Variants in CALD1 observed in about 807,000 individuals in gnomAD.
The protein encoded by CALD1 is caldesmon 1.
Under a neutral mutation model 99.9 loss-of-function variants are expected in CALD1, and 33 were observed. The ratio of observed to expected loss-of-function variants is 0.33; its 90% CI spans 0.25 to 0.44. The LOEUF is 0.44. Among genes scored for constraint, CALD1 ranks in the 20% least tolerant of loss-of-function variants. The probability of loss-of-function intolerance (pLI) is 1.00; values close to 1 mark genes in which losing one functional copy is unlikely to be tolerated. For synonymous variants in CALD1, 310 were observed against 325.0 expected (o/e 0.95, Z 0.50); for missense variants, 861 against 962.1 (o/e 0.89, Z 1.39).
At chr7:134,833,851 G>A (rs568908577) in intron 1 of CALD1, among the ~76,000 whole-genome samples, 24 of 152,168 alleles carry the variant, frequency 1.6e-4, no homozygotes, top group Admixed American at 6.5e-5. Context: ...TCCCAAGCGG[G>A]GCCTAACTTT....
chr7:134,965,121 A>G, intron 13 of CALD1, 185 bp from the exon 14 acceptor site: 1 of 507,624 alleles, frequency 2.0e-6, no homozygotes, highest in South Asian at 2.2e-5. Context: ...GTCTCAAAAA[A>G]AATAAAAAAA....
At chr7:134,733,288 T>C in the CALD1 span, among the ~76,000 whole-genome samples, 2 of 152,192 alleles carry the variant, frequency 1.3e-5, no homozygotes, top group African/African-American at 4.8e-5. Context: ...TCCAGATCGG[T>C]TCCTTTCTGA....
the CALD1 span, among the ~76,000 whole-genome samples, chr7:134,729,134 G>A: frequency 5.9e-5 from 9 of 152,168 alleles, no homozygotes; most frequent in African/African-American, 2.2e-4. Context: ...TTATAGGCAT[G>A]AGCTGCCACG....
chr7:134,857,292 T>C (rs1800353976), intron 2 of CALD1, among the ~76,000 whole-genome samples: 1 of 146,890 alleles, frequency 6.8e-6, no homozygotes, highest in African/African-American at 2.5e-5. Flanking sequence ...CCTCAGCCTC[T>C]CCGAGTAGCT....
At chr7:134,957,163 C>T (rs569254126) in intron 9 of CALD1, among the ~76,000 whole-genome samples, 2 of 152,238 alleles carry the variant, frequency 1.3e-5, no homozygotes, top group South Asian at 4.1e-4. Flanking sequence ...TACCTGTATC[C>T]CGCCTTTTAC....
At chr7:134,866,624 C>CCTTCAGGCAT (rs1202829572) in intron 2 of CALD1, among the ~76,000 whole-genome samples, 1 of 152,038 alleles carries the variant, frequency 6.6e-6, no homozygotes, top group Non-Finnish European at 1.5e-5. Flanking sequence ...AACAAAGATG[C>CCTTCAGGCAT]CTTCAGGTGT....
chr7:134,852,964 A>G (rs1006012405), intron 2 of CALD1, among the ~76,000 whole-genome samples: 2 of 152,178 alleles, frequency 1.3e-5, no homozygotes, highest in African/African-American at 2.4e-5. Flanking sequence ...GGAATCATGC[A>G]CCAGCATTTG....
intron 3 of CALD1, among the ~76,000 whole-genome samples, chr7:134,874,992 A>G (rs1801280832): frequency 6.6e-6 from 1 of 152,184 alleles, no homozygotes; most frequent in Non-Finnish European, 1.5e-5. Context: ...GGACCTTGAC[A>G]TTTTTAAATA....
intron 1 of CALD1, among the ~76,000 whole-genome samples, chr7:134,784,637 T>C (rs1797237124): frequency 6.6e-6 from 1 of 152,172 alleles, no homozygotes. Flanking sequence ...AATAGACCTC[T>C]ATGTGAGCAA....
chr7:134,825,406 CA>C (rs1049161583), intron 1 of CALD1, among the ~76,000 whole-genome samples: 6 of 152,034 alleles, frequency 3.9e-5, no homozygotes, highest in Admixed American at 2.6e-4. Context: ...TTCCTCTTTC[CA>C]AGCATTTATT....
chr7:134,747,841 A>T (rs1428927744), intron 1 of CALD1, among the ~76,000 whole-genome samples: 2 of 152,246 alleles, frequency 1.3e-5, no homozygotes, highest in Non-Finnish European at 2.9e-5. Flanking sequence ...GTCCCCACTA[A>T]GGCAATACCC....
At chr7:134,805,318 A>C (rs1291061845) in intron 1 of CALD1, among the ~76,000 whole-genome samples, 1 of 152,034 alleles carries the variant, frequency 6.6e-6, no homozygotes, top group Non-Finnish European at 1.5e-5. Context: ...ACTATATTCT[A>C]CTTTTCTGTA....
At chr7:134,907,603 A>T (rs1178259316) in intron 3 of CALD1, among the ~76,000 whole-genome samples, 2 of 152,160 alleles carry the variant, frequency 1.3e-5, no homozygotes, top group African/African-American at 4.8e-5. Flanking sequence ...TAAGTTTCAA[A>T]CATATTCTTC....
chr7:134,912,521 T>G (rs1213167081), intron 3 of CALD1, among the ~76,000 whole-genome samples: 2 of 152,202 alleles, frequency 1.3e-5, no homozygotes, highest in Non-Finnish European at 2.9e-5. Context: ...ACACTTTACC[T>G]GTTCCTTTCA....
intron 1 of CALD1, among the ~76,000 whole-genome samples, chr7:134,789,745 G>A (rs935383788): frequency 1.3e-5 from 2 of 152,078 alleles, no homozygotes; most frequent in Non-Finnish European, 2.9e-5. Flanking sequence ...GGGTCTCCAG[G>A]AGGTAAGACT....
chr7:134,781,791 T>C (rs1195427113), intron 1 of CALD1, among the ~76,000 whole-genome samples: 2 of 152,174 alleles, frequency 1.3e-5, no homozygotes, highest in Non-Finnish European at 2.9e-5. Context: ...AGTCAAAAGA[T>C]TGCCTTAAGT....
At chr7:134,951,126 G>C (rs183952322) in intron 9 of CALD1, among the ~76,000 whole-genome samples, 3 of 152,252 alleles carry the variant, frequency 2.0e-5, no homozygotes, top group Admixed American at 2.0e-4. Flanking sequence ...TCTTTTATAA[G>C]GGCACTAGTC....
chr7:134,798,845 AG>A (rs1346495286), intron 1 of CALD1, among the ~76,000 whole-genome samples: 1 of 152,168 alleles, frequency 6.6e-6, no homozygotes, highest in African/African-American at 2.4e-5. Context: ...GAGGCATCTC[AG>A]TCTTCTGGGG....
chr7:134,918,892 G>C (rs1005153550), intron 3 of CALD1, among the ~76,000 whole-genome samples: 9 of 152,086 alleles, frequency 5.9e-5, no homozygotes, highest in African/African-American at 2.2e-4. Flanking sequence ...GCTACTCAGG[G>C]GGCTGAGGTG....
Sources: allele counts gnomAD v4.1 joint callset (sites outside exome capture counted in the v4.1 genomes callset), GRCh38; gene constraint gnomAD v4.1.1; transcripts MANE v1.5; gene names NCBI Gene and HGNC (gene_info 2026-07-23, HGNC 2026-07-21).